Variants in YRDC observed in about 807,000 individuals in gnomAD.
The protein encoded by YRDC is threonylcarbamoyl-AMP synthase.
YRDC carries 17 observed loss-of-function variants against 21.5 expected under a neutral mutation model. The ratio of observed to expected loss-of-function variants is 0.79; its 90% CI spans 0.54 to 1.19. YRDC has a LOEUF of 1.19. YRDC is among the 50% of genes most tolerant of loss of function. YRDC has a pLI of 0.00. For missense variants in YRDC, 380 were observed against 397.1 expected, an observed-to-expected ratio of 0.96 and a Z score of 0.37; for synonymous variants, 193 against 176.7, an observed-to-expected ratio of 1.09 and a Z score of -0.73.
Position 37,805,182 on chromosome 1 carries a change from C to A in YRDC, c.625-738G>T, listed in dbSNP as rs1325494692. On this transcript the variant is annotated intron_variant, in intron 3 of 4. Coordinates refer to ENST00000373044, the MANE Select transcript of YRDC (RefSeq NM_024640.4). ...GGCTGAGGCAGGAGAACTGTTTGAA[C>A]CCGGGAGATGGAGGTTGCAGTGAGC... 3.9e-5 allele frequency among the ~76,000 whole-genome samples: 6 copies of A among 152,196 alleles called. No individual in the cohort carries two copies. The South Asian group carries it at 1.2e-3, about 32-fold the overall frequency.
At position 37,807,274 on chromosome 1, in the gene YRDC, C is replaced by T. The variant is rs538216528; in HGVS notation, c.390-59G>A. The T allele has an allele frequency of 1.4e-4, 209 of 1,470,388 alleles. 3 individuals are homozygous for T. The South Asian group carries it at 2.3e-3, about 16-fold the overall frequency. 91.1% of individuals were successfully genotyped at this position (1,470,388 alleles called of 1,614,324 possible). On this transcript the variant is annotated intron_variant, in intron 1 of 4. Coordinates refer to ENST00000373044, the MANE Select transcript of YRDC (RefSeq NM_024640.4). ...TTGAAGGGCCACTGGTGGTCCTTTC[C>T]TAGACTCTAGGCAGACGTAGAAAAG... is the stretch of plus-strand genomic sequence containing the variant.
In YRDC at chr1:37,803,366, A is replaced by T. The variant is rs1173942699; in HGVS notation, c.*559T>A. The T allele has an allele frequency of 6.5e-6, 1 of 152,764 alleles. No homozygotes were observed. Among genetic ancestry groups the T allele is most frequent in the East Asian group, 1.9e-4 (1 of 5,194 alleles). 9.5% of individuals were successfully genotyped at this position (152,764 alleles called of 1,614,324 possible). A position where few individuals can be genotyped will look rare whatever the true frequency, so the allele number is the denominator to read the frequency against. Reference sequence around the variant, plus strand: ...CTTCAGGAGCCTTTGGTCACCTGAGACTTTTTATTTATTAATTTTTATGAG... The same window carrying T: ...CTTCAGGAGCCTTTGGTCACCTGAGTCTTTTTATTTATTAATTTTTATGAG... On this transcript the variant is annotated 3_prime_UTR_variant, in exon 5 of 5. Coordinates refer to ENST00000373044, the MANE Select transcript of YRDC (RefSeq NM_024640.4).
At chr1:37,807,652 G>A (rs981544306) in intron 1 of YRDC, 140 bp downstream of exon 1, 16 of 1,336,138 alleles carry the variant, frequency 1.2e-5, no homozygotes, top group Non-Finnish European at 1.5e-5. Context: ...TTAAGTCCTC[G>A]GTACATATTT....
At position 37,807,173 on chromosome 1, in the gene YRDC, T is replaced by C. The variant is rs1345135464; in HGVS notation, c.432A>G (p.Leu144=). 3 of 1,614,032 alleles carry C rather than the reference T, an allele frequency of 1.9e-6. No homozygotes were observed. The highest frequency in any genetic ancestry group is 1.3e-5 in the African/African-American group (1 of 74,934). The change falls in exon 2 of 5, where the codon CTA becomes CTG. Residue 144 remains leucine, a synonymous_variant. Transcript: ENST00000373044. ...TCACCAGGGTCACTGGTCCTGGCAG[T>C]AGGTCTTTCAGGAGCCCCTCAGGTA... ...VRVPEGLLKD[L]LPGPVTLVME...
Position 37,807,112 on chromosome 1 carries a change from G to C in YRDC, c.493C>G (p.Pro165Ala), listed in dbSNP as rs202211100. The change falls in exon 2 of 5, where the codon CCT (proline) becomes GCT (alanine). Residue 165 changes from proline (P) to alanine (A), a missense_variant. By Grantham distance (27) the Pro-to-Ala change is conservative. Coordinates refer to ENST00000373044, the MANE Select transcript of YRDC (RefSeq NM_024640.4). The part of the protein sequence containing the change: ...RSEELNKDLN[P>A]FTPLVGIRIP... ...AAAACTTGACTCACAGGCGTAAAAG[G>C]GTTTAGGTCCTTGTTGAGCTCCTCC... 1 of 1,614,138 alleles carries C rather than the reference G, an allele frequency of 6.2e-7. No homozygotes were observed. The highest frequency in any genetic ancestry group is 1.3e-5 in the African/African-American group (1 of 75,048).
chr1:37,806,991 G>C lies in YRDC; in HGVS notation c.505-15C>G, dbSNP rs777291433. Reference sequence around the variant, plus strand: ...ATGCCTACAAGCTGTAAGGCAAGGGGAAAGGGATCATGAGAAAGGTTGGAA... The same window carrying C: ...ATGCCTACAAGCTGTAAGGCAAGGGCAAAGGGATCATGAGAAAGGTTGGAA... On this transcript the variant is annotated splice_polypyrimidine_tract_variant and intron_variant, in intron 2 of 4. Transcript: ENST00000373044. 6.2e-6 allele frequency: 10 copies of C among 1,614,062 alleles called. No homozygotes were observed. Among genetic ancestry groups the C allele is most frequent in the Admixed American group, 1.7e-5 (1 of 60,014 alleles).
Position 37,807,783 on chromosome 1 carries a change from C to T in YRDC, c.389+9G>A, listed in dbSNP as rs1646750740. The T allele has an allele frequency of 3.3e-6, 5 of 1,496,870 alleles. No homozygotes were observed. Among genetic ancestry groups the T allele is most frequent in the South Asian group, 1.2e-5 (1 of 81,792 alleles). The allele number at this position is 1,496,870 out of a possible 1,614,324, so 92.7% of individuals were successfully genotyped here. ...CGCCCCTAGCGGGGCCGGGTCGGGG[C>T]GGCCTTACCTGTAGACGTCGGCCAC... On this transcript the variant is annotated intron_variant, in intron 1 of 4. Coordinates refer to ENST00000373044, the MANE Select transcript of YRDC (RefSeq NM_024640.4).
At chr1:37,804,280 A>C (rs1335980797) in intron 4 of YRDC, 22 bp downstream of exon 4, 2 of 1,603,502 alleles carry the variant, frequency 1.2e-6, no homozygotes, top group Admixed American at 3.4e-5. Flanking sequence ...TTATTTCCCC[A>C]CACCACAGGA....
Position 37,808,156 on chromosome 1 carries a change from C to G in YRDC, c.25G>C (p.Gly9Arg), listed in dbSNP as rs1377829579. Residue 9 changes from glycine to arginine, a missense_variant, in exon 1 of 5, where the codon GGG becomes CGG. Gly to Arg is a moderately radical substitution (Grantham distance 125). This residue lies in a region of YRDC where 91 missense variants were observed against 64.7 expected (regional missense o/e 1.41). Coordinates refer to ENST00000373044, the MANE Select transcript of YRDC (RefSeq NM_024640.4). ...CTGGCAGCCACCGCGGCCCTCATCCCCCTGCACCGACGCGCCGGAGACATC... is the reference window on the plus strand; with the variant it reads ...CTGGCAGCCACCGCGGCCCTCATCCGCCTGCACCGACGCGCCGGAGACATC... MSPARRCR[G>R]MRAAVAASVG... 1.4e-6 allele frequency: 2 copies of G among 1,466,242 alleles called. No homozygotes were observed. Among genetic ancestry groups the G allele is most frequent in the Non-Finnish European group, 1.8e-6 (2 of 1,114,940 alleles). 90.8% of individuals were successfully genotyped at this position (1,466,242 alleles called of 1,614,324 possible).
chr1:37,802,946 C>A lies in YRDC; in HGVS notation c.*979G>T, dbSNP rs1399673102. The A allele has an allele frequency of 1.3e-5, 2 of 151,984 alleles. No individual in the cohort carries two copies. Among genetic ancestry groups the A allele is most frequent in the African/African-American group, 4.8e-5 (2 of 41,266 alleles). 9.4% of individuals were successfully genotyped at this position (151,984 alleles called of 1,614,324 possible). On this transcript the variant is annotated 3_prime_UTR_variant, in exon 5 of 5. Transcript: ENST00000373044. Reference sequence around the variant, plus strand: ...ATAATTCAAAAGAAGAAAAACAAACCATTTACAAATATGTTTAATAGCAGC... The same window carrying A: ...ATAATTCAAAAGAAGAAAAACAAACAATTTACAAATATGTTTAATAGCAGC...
At position 37,808,103 on chromosome 1, in the gene YRDC, G is replaced by A; in HGVS notation, c.78C>T (p.Gly26=). 7.0e-7 allele frequency: 1 copy of A among 1,425,976 alleles called. No homozygotes were observed. The highest frequency in any genetic ancestry group is 9.1e-7 in the Non-Finnish European group (1 of 1,093,862). The allele number at this position is 1,425,976 out of a possible 1,614,324, so 88.3% of individuals were successfully genotyped here. Residue 26 remains glycine (G), a synonymous_variant, in exon 1 of 5, where the codon GGC becomes GGT. Transcript: ENST00000373044. ...ASVGLSEGPA[G]SRSGRLFRPP... is the part of the protein sequence containing the mutation. The stretch of plus-strand genomic sequence containing the variant: ...GGCGGAAGAGGCGACCGCTCCGGGA[G>A]CCAGCAGGCCCCTCGCTCAACCCCA...
intron 3 of YRDC, 24 bp downstream of exon 3, chr1:37,806,833 A>C: frequency 1.2e-6 from 2 of 1,613,954 alleles, no homozygotes; most frequent in Non-Finnish European, 1.7e-6. Context: ...TGACATTTCC[A>C]GGGGAAGGAC....
At position 37,807,962 on chromosome 1, in the gene YRDC, G is replaced by A. The variant is rs1168347854; in HGVS notation, c.219C>T (p.Ala73=). The stretch of plus-strand genomic sequence containing the variant: ...CGGCGCCGGCGCGCAGCTCGGCCAC[G>A]GCGGCCCGCAGCGCCTCGGTCCAGC... ...RAGWTEALRA[A]VAELRAGAVV... The change falls in exon 1 of 5, where the codon GCC becomes GCT. Residue 73 remains alanine (A), a synonymous_variant. Transcript: ENST00000373044. 38 of 1,220,780 alleles carry A rather than the reference G, an allele frequency of 3.1e-5. No individual in the cohort carries two copies. Among genetic ancestry groups the A allele is most frequent in the Non-Finnish European group, 3.5e-5 (34 of 981,198 alleles). The allele number at this position is 1,220,780 out of a possible 1,614,324, so 75.6% of individuals were successfully genotyped here. A position where few individuals can be genotyped will look rare whatever the true frequency, so the allele number is the denominator to read the frequency against.
chr1:37,804,179 C>G (rs975359229), intron 4 of YRDC, 123 bp downstream of exon 4: 7 of 1,498,190 alleles, frequency 4.7e-6, no homozygotes, highest in Non-Finnish European at 6.3e-6. Context: ...TACCACTTCT[C>G]CAAACCTGGC....
chr1:37,803,598 ATC>A lies in YRDC; in HGVS notation c.*325_*326del. 7.8e-6 allele frequency: 2 copies of A among 257,836 alleles called. No homozygotes were observed. Among genetic ancestry groups the A allele is most frequent in the South Asian group, 1.4e-4 (2 of 14,340 alleles). 16.0% of individuals were successfully genotyped at this position (257,836 alleles called of 1,614,324 possible). A position where few individuals can be genotyped will look rare whatever the true frequency, so the allele number is the denominator to read the frequency against. On this transcript the variant is annotated 3_prime_UTR_variant, in exon 5 of 5. Coordinates refer to ENST00000373044, the MANE Select transcript of YRDC (RefSeq NM_024640.4). ...AGAGGAGGCTCTCACTAGATTCTAA[ATC>A]TGTTATTTAATTACTTTTCAATTGA...
chr1:37,807,986 G>A lies in YRDC; in HGVS notation c.195C>T (p.Gly65=), dbSNP rs1441799092. The A allele has an allele frequency of 2.5e-6, 3 of 1,204,852 alleles. No homozygotes were observed. In the African/African-American group the frequency reaches 4.8e-5, roughly 19 times the overall value. 74.6% of individuals were successfully genotyped at this position (1,204,852 alleles called of 1,614,324 possible). A position where few individuals can be genotyped will look rare whatever the true frequency, so the allele number is the denominator to read the frequency against. Residue 65 remains glycine (G), a synonymous_variant, in exon 1 of 5, where the codon GGC becomes GGT. Coordinates refer to ENST00000373044, the MANE Select transcript of YRDC (RefSeq NM_024640.4). ...CGGCGGCCCGCAGCGCCTCGGTCCA[G>A]CCGGCGCGCTCCGGGCTCGCGGCCT... The part of the protein sequence containing the change: ...AVQAASPERA[G]WTEALRAAVA...
At chr1:37,804,250 T>A in intron 4 of YRDC, 52 bp downstream of exon 4, 1 of 1,578,820 alleles carries the variant, frequency 6.3e-7, no homozygotes, top group East Asian at 2.3e-5. Context: ...CTTTTTTGCA[T>A]CTCTCCAACC....
At chr1:37,805,378 C>T (rs1002263352) in intron 3 of YRDC, among the ~76,000 whole-genome samples, 3 of 152,226 alleles carry the variant, frequency 2.0e-5, no homozygotes, top group Non-Finnish European at 4.4e-5. Flanking sequence ...CTCACTGCGA[C>T]TCTGATCAGG....
intron 3 of YRDC, 114 bp from the exon 4 acceptor site, chr1:37,804,558 T>C: frequency 7.6e-7 from 1 of 1,317,310 alleles, no homozygotes. Flanking sequence ...CACTTTCCTC[T>C]AAGCAGAGAA....
Sources: gnomAD v4.1 joint callset for allele counts (sites outside exome capture counted in the v4.1 genomes callset) on GRCh38, gnomAD v4.1.1 for gene constraint, gnomAD v4.1.1 regional missense constraint, MANE v1.5 for transcripts, NCBI Gene and HGNC (gene_info 2026-07-23, HGNC 2026-07-21) for gene names.